Variants in DLG2 observed in about 807,000 individuals in gnomAD.
DLG2 encodes the protein discs large MAGUK scaffold protein 2, also known as disks large homolog 2.
Under a neutral mutation model 132.5 loss-of-function variants are expected in DLG2, and 45 were observed. That is an observed-to-expected ratio of 0.34 (90% confidence interval 0.27 to 0.44). The LOEUF is 0.44. Among genes scored for constraint, DLG2 ranks in the 20% least tolerant of loss-of-function variants. The pLI is 1.00. For synonymous variants in DLG2, 424 were observed against 419.6 expected (o/e 1.01, Z -0.13); for missense variants, 1,045 against 1,196.9 (o/e 0.87, Z 1.87).
chr11:83,850,210 G>A (rs1489629933), intron 16 of DLG2, among the ~76,000 whole-genome samples: 2 of 150,194 alleles, frequency 1.3e-5, no homozygotes, highest in East Asian at 2.0e-4. Context: ...CTGGAGTGCA[G>A]TGGCGTGATC....
chr11:84,993,235 G>A (rs890379392), intron 6 of DLG2, among the ~76,000 whole-genome samples: 4 of 152,164 alleles, frequency 2.6e-5, no homozygotes, highest in African/African-American at 9.7e-5. Context: ...AGACAGGGAG[G>A]GGAACATCAC....
intron 6 of DLG2, among the ~76,000 whole-genome samples, chr11:84,773,688 A>G (rs2069837856): frequency 6.6e-6 from 1 of 152,128 alleles, no homozygotes; most frequent in African/African-American, 2.4e-5. Flanking sequence ...AAAAACAAAA[A>G]CCATATCATC....
chr11:84,673,454 T>C (rs1027591388), intron 6 of DLG2, among the ~76,000 whole-genome samples: 2 of 151,866 alleles, frequency 1.3e-5, no homozygotes, highest in African/African-American at 4.8e-5. Context: ...ATGAGACTGA[T>C]ATACAGAGGG....
chr11:85,365,905 G>A (rs980383115), intron 3 of DLG2, among the ~76,000 whole-genome samples: 3 of 152,104 alleles, frequency 2.0e-5, no homozygotes, highest in African/African-American at 7.2e-5. Context: ...GACACAGGGA[G>A]GAAAATATCA....
chr11:84,963,277 T>C (rs1433304708), intron 6 of DLG2, among the ~76,000 whole-genome samples: 1 of 152,216 alleles, frequency 6.6e-6, no homozygotes, highest in Non-Finnish European at 1.5e-5. Context: ...ACATTAATTC[T>C]TGAGCATTCA....
chr11:85,150,434 AAC>A (rs1180429608), intron 5 of DLG2, among the ~76,000 whole-genome samples: 2 of 152,118 alleles, frequency 1.3e-5, no homozygotes, highest in Admixed American at 1.3e-4. Flanking sequence ...ATTGCTGTGA[AAC>A]ACATACCTAG....
intron 6 of DLG2, among the ~76,000 whole-genome samples, chr11:84,646,313 G>A (rs559979963): frequency 2.7e-4 from 39 of 145,242 alleles, no homozygotes; most frequent in Non-Finnish European, 5.4e-4. Flanking sequence ...CTCCGTGGCT[G>A]TAAATGAAAA....
chr11:83,476,804 T>C (rs2092654399), intron 22 of DLG2, among the ~76,000 whole-genome samples: 1 of 152,172 alleles, frequency 6.6e-6, no homozygotes, highest in Non-Finnish European at 1.5e-5. Flanking sequence ...TTCGGCTTCC[T>C]CATATGGAAA....
intron 6 of DLG2, among the ~76,000 whole-genome samples, chr11:85,109,987 A>G (rs2072442421): frequency 6.6e-6 from 1 of 152,054 alleles, no homozygotes; most frequent in African/African-American, 2.4e-5. Context: ...ATCAACATAT[A>G]GGAGATTCAC....
At chr11:84,253,171 TA>T (rs1006076246) in intron 7 of DLG2, among the ~76,000 whole-genome samples, 180 of 150,704 alleles carry the variant, frequency 1.2e-3, no homozygotes, top group African/African-American at 4.0e-3. Flanking sequence ...TGGATCTCAT[TA>T]AAAAAAAATA....
intron 4 of DLG2, among the ~76,000 whole-genome samples, chr11:85,179,725 A>G (rs972418538): frequency 6.6e-6 from 1 of 151,844 alleles, no homozygotes; most frequent in African/African-American, 2.4e-5. Flanking sequence ...GAATAAGTCT[A>G]AAGACATTAG....
intron 4 of DLG2, among the ~76,000 whole-genome samples, chr11:85,190,381 C>G (rs777652694): frequency 2.0e-5 from 3 of 151,796 alleles, no homozygotes; most frequent in Non-Finnish European, 4.4e-5. Context: ...GGAAAGTTTA[C>G]AGCAGTGAAC....
intron 6 of DLG2, among the ~76,000 whole-genome samples, chr11:84,552,585 A>T (rs2099403965): frequency 1.3e-5 from 2 of 152,330 alleles, no homozygotes; most frequent in South Asian, 4.1e-4. Context: ...GTGCACTCAC[A>T]GGACATTTAC....
intron 3 of DLG2, among the ~76,000 whole-genome samples, chr11:85,474,032 G>A (rs1233235731): frequency 6.6e-6 from 1 of 151,998 alleles, no homozygotes; most frequent in Non-Finnish European, 1.5e-5. Flanking sequence ...AGATAGTCAT[G>A]TTGAACTACA....
intron 19 of DLG2, among the ~76,000 whole-genome samples, chr11:83,602,411 ACTT>A: frequency 6.6e-6 from 1 of 152,360 alleles, no homozygotes; most frequent in South Asian, 2.1e-4. Flanking sequence ...GAAAATATGA[ACTT>A]CTTATTCTTG....
chr11:85,474,131 T>C (rs1326237742), intron 3 of DLG2, among the ~76,000 whole-genome samples: 1 of 151,782 alleles, frequency 6.6e-6, no homozygotes. Context: ...AATGATGAAA[T>C]AAAAAAATTA....
chr11:85,554,594 C>T (rs2076833375), intron 3 of DLG2, among the ~76,000 whole-genome samples: 1 of 151,788 alleles, frequency 6.6e-6, no homozygotes, highest in Non-Finnish European at 1.5e-5. Context: ...ACAACAGTCC[C>T]TCCCTAAAAC....
chr11:84,477,733 T>C (rs2099125520), intron 7 of DLG2, among the ~76,000 whole-genome samples: 1 of 152,184 alleles, frequency 6.6e-6, no homozygotes, highest in Non-Finnish European at 1.5e-5. Flanking sequence ...AATTAACTCA[T>C]TTGTAATCTT....
intron 3 of DLG2, among the ~76,000 whole-genome samples, chr11:85,537,575 C>A (rs1480043654): frequency 6.7e-6 from 1 of 149,182 alleles, no homozygotes; most frequent in African/African-American, 2.6e-5. Flanking sequence ...TCCAGACGTG[C>A]CACCTTTGTG....
Sources: gnomAD v4.1 joint callset for allele counts (sites outside exome capture counted in the v4.1 genomes callset) on GRCh38, gnomAD v4.1.1 for gene constraint, MANE v1.5 for transcripts, NCBI Gene and HGNC (gene_info 2026-07-23, HGNC 2026-07-21) for gene names.